JAK2: variants seen among roughly 807,000 people sequenced by gnomAD.
The protein encoded by JAK2 is Janus kinase 2.
JAK2 carries 86 observed loss-of-function variants against 139.3 expected under a neutral mutation model. That is an observed-to-expected ratio of 0.62 (90% confidence interval 0.52 to 0.74). JAK2 has a LOEUF of 0.74. JAK2 is among the 30% of genes least tolerant of loss of function. The pLI, the probability that JAK2 is intolerant of heterozygous loss-of-function variation, is 0.00. For missense variants in JAK2, 1,421 were observed against 1,360.3 expected (o/e 1.04, Z -0.70); for synonymous variants, 490 against 437.7 (o/e 1.12, Z -1.49).
intron 12 of JAK2, among the ~76,000 whole-genome samples, chr9:5,072,271 C>T (rs1316357798): frequency 6.6e-6 from 1 of 152,060 alleles, no homozygotes; most frequent in Non-Finnish European, 1.5e-5. Context: ...CGAGTAGAGC[C>T]AAAATACACT....
chr9:5,114,657 A>G, intron 22 of JAK2: 1 of 454,670 alleles, frequency 2.2e-6, no homozygotes, highest in Non-Finnish European at 4.3e-6. Flanking sequence ...GCCCCGCAAA[A>G]CCAAGGGCTC....
intron 8 of JAK2, among the ~76,000 whole-genome samples, chr9:5,062,292 C>A (rs988174823): frequency 1.3e-5 from 2 of 151,720 alleles, no homozygotes; most frequent in Non-Finnish European, 2.9e-5. Flanking sequence ...GTAACTAATC[C>A]CCCTTGTATT....
intron 3 of JAK2, among the ~76,000 whole-genome samples, chr9:5,024,081 C>G (rs1176405301): frequency 1.3e-5 from 2 of 151,996 alleles, no homozygotes; most frequent in Non-Finnish European, 2.9e-5. Flanking sequence ...ATGGTGAAAC[C>G]TCATCTCTGC....
At chr9:5,125,040 T>G (rs971891287) in intron 23 of JAK2, among the ~76,000 whole-genome samples, 1 of 151,382 alleles carries the variant, frequency 6.6e-6, no homozygotes, top group African/African-American at 2.4e-5. Context: ...TTGCATAAGT[T>G]AAAATAAACC....
At chr9:5,041,268 G>T in intron 4 of JAK2, 1 of 1,238,172 alleles carries the variant, frequency 8.1e-7, no homozygotes. Flanking sequence ...ATCGACCTCG[G>T]GCTGGCCAAG....
intron 2 of JAK2, among the ~76,000 whole-genome samples, chr9:5,010,368 G>C (rs1821615504): frequency 7.4e-6 from 1 of 134,990 alleles, no homozygotes. Flanking sequence ...CTGTCGCCCA[G>C]GCTGGAGTGC....
chr9:5,072,609 C>A lies in JAK2; in HGVS notation c.1759C>A (p.His587Asn), dbSNP rs149705816. 25 of 1,605,950 alleles carry A rather than the reference C, an allele frequency of 1.6e-5. No homozygotes were observed. The African/African-American group carries it at 2.8e-4, about 18-fold the overall frequency. ...TCTTTTAAAAGTTCTGGATAAAGCA[C>A]ACAGAAACTATTCAGAGGTGTGTAT... ...EVLLKVLDKA[H>N]RNYSESFFEA... The change falls in exon 13 of 25, where the codon CAC (histidine) becomes AAC (asparagine). Residue 587 changes from histidine (H) to asparagine (N), a missense_variant. His to Asn is a moderately conservative substitution (Grantham distance 68, BLOSUM62 1). Coordinates refer to ENST00000381652, the MANE Select transcript of JAK2 (RefSeq NM_004972.4).
At chr9:5,023,533 G>C (rs1822575924) in intron 3 of JAK2, among the ~76,000 whole-genome samples, 1 of 152,150 alleles carries the variant, frequency 6.6e-6, no homozygotes, top group African/African-American at 2.4e-5. Context: ...TGTCCTGCAA[G>C]GGGCTAGGGT....
At chr9:5,110,872 C>G in intron 22 of JAK2, 1 of 514,336 alleles carries the variant, frequency 1.9e-6, no homozygotes, top group Non-Finnish European at 3.7e-6. Flanking sequence ...CCGCGCCCAG[C>G]AGGGTTTCCA....
At chr9:4,999,077 G>A (rs1038861577) in intron 2 of JAK2, among the ~76,000 whole-genome samples, 9 of 151,880 alleles carry the variant, frequency 5.9e-5, no homozygotes, top group African/African-American at 2.2e-4. Context: ...CACCTGCCTC[G>A]GCCTCCCAAA....
chr9:5,084,900 A>G, intron 19 of JAK2: 1 of 451,012 alleles, frequency 2.2e-6, no homozygotes, highest in Admixed American at 2.9e-5. Flanking sequence ...TTTTAAAATG[A>G]TTTTTGGTTA....
At chr9:5,077,714 A>T in intron 15 of JAK2, 134 bp downstream of exon 15, 1 of 487,358 alleles carries the variant, frequency 2.1e-6, no homozygotes, top group Non-Finnish European at 3.4e-6. Context: ...GTGTTAGGTG[A>T]TAAAAAGAGA....
chr9:5,048,854 C>G (rs1165972561), intron 5 of JAK2, among the ~76,000 whole-genome samples: 1 of 152,168 alleles, frequency 6.6e-6, no homozygotes, highest in Non-Finnish European at 1.5e-5. Context: ...GGGCCCTTGT[C>G]CGGTTTAAAA....
intron 22 of JAK2, among the ~76,000 whole-genome samples, chr9:5,115,014 G>A (rs1004224056): frequency 6.6e-6 from 1 of 152,094 alleles, no homozygotes; most frequent in African/African-American, 2.4e-5. Flanking sequence ...CATGGGCAAG[G>A]ACTTCATGAC....
At chr9:5,042,897 G>A (rs1459889768) in intron 4 of JAK2, among the ~76,000 whole-genome samples, 1 of 152,226 alleles carries the variant, frequency 6.6e-6, no homozygotes, top group Non-Finnish European at 1.5e-5. Flanking sequence ...TCACAGCCTG[G>A]CCCCGGCGAG....
intron 4 of JAK2, among the ~76,000 whole-genome samples, chr9:5,040,598 G>T (rs1021195590): frequency 6.6e-6 from 1 of 152,244 alleles, no homozygotes; most frequent in East Asian, 1.9e-4. Context: ...GAATATAAAA[G>T]AATTCTTACA....
At chr9:5,060,910 G>C (rs948489515) in intron 8 of JAK2, among the ~76,000 whole-genome samples, 2 of 152,184 alleles carry the variant, frequency 1.3e-5, no homozygotes, top group African/African-American at 4.8e-5. Context: ...ATTACTCCTT[G>C]ACCCATGGGC....
At chr9:5,105,727 G>A (rs1391223435) in intron 22 of JAK2, among the ~76,000 whole-genome samples, 1 of 152,086 alleles carries the variant, frequency 6.6e-6, no homozygotes, top group East Asian at 1.9e-4. Flanking sequence ...ATAGACCAAT[G>A]GAACAGAACA....
At chr9:5,126,064 CAAAGG>C (rs1823974199) in intron 23 of JAK2, 1 of 264,102 alleles carries the variant, frequency 3.8e-6, no homozygotes, top group Admixed American at 5.3e-5. Flanking sequence ...ACAAAAAACT[CAAAGG>C]AAATATGTTT....
Sources: allele counts gnomAD v4.1 joint callset (sites outside exome capture counted in the v4.1 genomes callset), GRCh38; gene constraint gnomAD v4.1.1; transcripts MANE v1.5; gene names NCBI Gene and HGNC (gene_info 2026-07-23, HGNC 2026-07-21).